DYTN: variants seen among roughly 807,000 people sequenced by gnomAD.
The protein encoded by DYTN is dystrotelin.
DYTN carries 75 observed loss-of-function variants against 69.6 expected under a neutral mutation model. The ratio of observed to expected loss-of-function variants is 1.08; its 90% confidence interval spans 0.89 to 1.31. The LOEUF is 1.31. DYTN is among the 50% of genes most tolerant of loss of function. The pLI, the probability that DYTN is intolerant of heterozygous loss-of-function variation, is 0.00. For synonymous variants in DYTN, 252 were observed against 249.1 expected (o/e 1.01, Z -0.11); for missense variants, 726 against 688.4 (o/e 1.05, Z -0.61).
At chr2:206,668,638 C>T (rs571010669) in intron 9 of DYTN, among the ~76,000 whole-genome samples, 1 of 152,134 alleles carries the variant, frequency 6.6e-6, no homozygotes, top group Non-Finnish European at 1.5e-5. Flanking sequence ...AATGAAAACA[C>T]GAATACTCCC....
At chr2:206,666,972 G>T (rs539746975) in intron 9 of DYTN, among the ~76,000 whole-genome samples, 1 of 152,080 alleles carries the variant, frequency 6.6e-6, no homozygotes, top group East Asian at 1.9e-4. Flanking sequence ...TTGAGCCCAG[G>T]AGTTAGAGGT....
chr2:206,675,145 G>GTATATA (rs374365439), intron 9 of DYTN, among the ~76,000 whole-genome samples: 1 of 120,442 alleles, frequency 8.3e-6, no homozygotes. Context: ...GTGTGTGTGT[G>GTATATA]TATATATGTG....
At chr2:206,656,825 T>G (rs565151860) in intron 11 of DYTN, among the ~76,000 whole-genome samples, 2 of 151,502 alleles carry the variant, frequency 1.3e-5, no homozygotes, top group East Asian at 3.9e-4. Flanking sequence ...TGCAATGGCA[T>G]GATCTTGGTT....
At chr2:206,656,155 G>A (rs190029943) in intron 11 of DYTN, among the ~76,000 whole-genome samples, 88 of 152,018 alleles carry the variant, frequency 5.8e-4, no homozygotes, top group African/African-American at 2.0e-3. Context: ...TATATATTTA[G>A]GTGCTCTGAT....
chr2:206,662,617 C>T (rs1159223440), intron 11 of DYTN, among the ~76,000 whole-genome samples: 1 of 151,626 alleles, frequency 6.6e-6, no homozygotes. Context: ...ATAATAATAA[C>T]AATATTTTGC....
intron 9 of DYTN, among the ~76,000 whole-genome samples, chr2:206,691,588 T>A (rs1316304676): frequency 6.6e-6 from 1 of 152,178 alleles, no homozygotes; most frequent in Non-Finnish European, 1.5e-5. Flanking sequence ...CTGATATCTT[T>A]GTTTTTATTT....
At chr2:206,662,062 T>C (rs964837232) in intron 11 of DYTN, among the ~76,000 whole-genome samples, 1 of 152,194 alleles carries the variant, frequency 6.6e-6, no homozygotes, top group African/African-American at 2.4e-5. Flanking sequence ...AGCCACATAA[T>C]CACAAGGGTA....
At chr2:206,667,691 C>CATGTGCGT (rs1559306733) in intron 9 of DYTN, among the ~76,000 whole-genome samples, 1 of 130,368 alleles carries the variant, frequency 7.7e-6, no homozygotes. Flanking sequence ...GGCAACTTTG[C>CATGTGCGT]GTGTGCGTGT....
chr2:206,706,818 A>G (rs1700032173), intron 3 of DYTN, among the ~76,000 whole-genome samples: 3 of 151,850 alleles, frequency 2.0e-5, no homozygotes, highest in African/African-American at 7.3e-5. Flanking sequence ...ACTTCAGAGC[A>G]TATGCAATCA....
chr2:206,678,380 A>G (rs916841783), intron 9 of DYTN, among the ~76,000 whole-genome samples: 6 of 152,232 alleles, frequency 3.9e-5, no homozygotes, highest in African/African-American at 1.4e-4. Flanking sequence ...TCTAAAAGGC[A>G]ATTTTGCAAT....
At chr2:206,682,702 T>C (rs367978419) in intron 9 of DYTN, among the ~76,000 whole-genome samples, 5 of 152,258 alleles carry the variant, frequency 3.3e-5, no homozygotes, top group South Asian at 2.1e-4. Context: ...GTTCCAGCTA[T>C]GAATAGTCAA....
chr2:206,695,387 A>G (rs1338596397), intron 7 of DYTN, among the ~76,000 whole-genome samples: 1 of 152,248 alleles, frequency 6.6e-6, no homozygotes, highest in African/African-American at 2.4e-5. Context: ...CATAAATAAC[A>G]AATTTAAAAA....
chr2:206,704,992 C>T, intron 4 of DYTN, 49 bp from the exon 5 acceptor site: 1 of 1,433,494 alleles, frequency 7.0e-7, no homozygotes, highest in South Asian at 1.2e-5. Context: ...TGCAATGTAT[C>T]TTTGAAGAGT....
chr2:206,684,330 G>C (rs1038418455), intron 9 of DYTN, among the ~76,000 whole-genome samples: 1 of 151,836 alleles, frequency 6.6e-6, no homozygotes, highest in Non-Finnish European at 1.5e-5. Context: ...TTTGAGACAG[G>C]GTCTTGCTCT....
At chr2:206,686,800 G>A (rs1046239940) in intron 9 of DYTN, 1 of 152,292 alleles carries the variant, frequency 6.6e-6, no homozygotes, top group African/African-American at 2.4e-5. Context: ...CAGCTCTCCT[G>A]TAAGCAGCTG....
At chr2:206,700,336 C>A in intron 5 of DYTN, 120 bp from the exon 6 acceptor site, 1 of 1,049,304 alleles carries the variant, frequency 9.5e-7, no homozygotes, top group East Asian at 2.4e-5. Context: ...GTATCTGAGA[C>A]GAGGTGAACT....
At chr2:206,674,295 T>C (rs1161721713) in intron 9 of DYTN, among the ~76,000 whole-genome samples, 1 of 152,028 alleles carries the variant, frequency 6.6e-6, no homozygotes, top group African/African-American at 2.4e-5. Flanking sequence ...ATTTGAAAAA[T>C]AAATAAAATG....
chr2:206,689,606 T>C (rs1238392160), intron 9 of DYTN, among the ~76,000 whole-genome samples: 1 of 152,156 alleles, frequency 6.6e-6, no homozygotes, highest in Non-Finnish European at 1.5e-5. Context: ...CCTCCAGAAA[T>C]ACTACTCTGG....
intron 9 of DYTN, chr2:206,687,037 G>A (rs1699818333): frequency 6.4e-6 from 1 of 156,016 alleles, no homozygotes; most frequent in South Asian, 2.0e-4. Flanking sequence ...TATACTGAAT[G>A]TCTGATAATA....
Sources: allele counts gnomAD v4.1 joint callset (sites outside exome capture counted in the v4.1 genomes callset), GRCh38; gene constraint gnomAD v4.1.1; transcripts MANE v1.5; gene names NCBI Gene and HGNC (gene_info 2026-07-23, HGNC 2026-07-21).